The following CSNK1G3 variants were observed in gnomAD, a reference collection of about 807,000 sequenced individuals.
CSNK1G3 encodes the protein casein kinase 1 gamma 3.
CSNK1G3 carries 23 observed loss-of-function variants against 64.3 expected under a neutral mutation model. That is an observed-to-expected ratio of 0.36 (90% CI 0.26 to 0.51). CSNK1G3 has a LOEUF of 0.51. Among genes scored for constraint, CSNK1G3 ranks in the 20% least tolerant of loss-of-function variants. The pLI is 0.96. For missense variants in CSNK1G3, 357 were observed against 510.5 expected, an observed-to-expected ratio of 0.70 and a Z score of 2.90; for synonymous variants, 158 against 162.2, an observed-to-expected ratio of 0.97 and a Z score of 0.20.
intron 1 of CSNK1G3, among the ~76,000 whole-genome samples, chr5:123,531,595 ATTAT>A (rs1278541081): frequency 5.3e-5 from 8 of 152,052 alleles, no homozygotes; most frequent in East Asian, 1.9e-4. Flanking sequence ...AAGCAAATAA[ATTAT>A]TTATATTCAT....
At chr5:123,605,460 C>A in intron 12 of CSNK1G3, 98 bp downstream of exon 13, 1 of 1,247,562 alleles carries the variant, frequency 8.0e-7, no homozygotes, top group Non-Finnish European at 1.1e-6. Flanking sequence ...ACTCTCAACA[C>A]AGTGATTATA....
intron 1 of CSNK1G3, among the ~76,000 whole-genome samples, chr5:123,517,022 T>C (rs1777289787): frequency 6.6e-6 from 1 of 152,188 alleles, no homozygotes; most frequent in African/African-American, 2.4e-5. Context: ...TGCCAAGGAC[T>C]ATGTGATGCC....
At chr5:123,598,579 C>T (rs1477359315) in intron 10 of CSNK1G3, among the ~76,000 whole-genome samples, 1 of 151,954 alleles carries the variant, frequency 6.6e-6, no homozygotes, top group Non-Finnish European at 1.5e-5. Flanking sequence ...AGGAGTATAC[C>T]AGGCAGAGAA....
At chr5:123,560,424 T>C (rs1785453663) in intron 4 of CSNK1G3, among the ~76,000 whole-genome samples, 1 of 152,214 alleles carries the variant, frequency 6.6e-6, no homozygotes, top group Non-Finnish European at 1.5e-5. Flanking sequence ...TACATTCATG[T>C]TCATAGAAGT....
intron 1 of CSNK1G3, among the ~76,000 whole-genome samples, chr5:123,537,185 C>G (rs1001215294): frequency 1.3e-5 from 2 of 152,082 alleles, no homozygotes; most frequent in African/African-American, 4.8e-5. Context: ...TAGAATCAAC[C>G]TAAGTGCCCA....
chr5:123,578,084 C>T (rs969651454), intron 6 of CSNK1G3, among the ~76,000 whole-genome samples: 4 of 151,900 alleles, frequency 2.6e-5, no homozygotes, highest in Admixed American at 6.6e-5. Context: ...AAACATATCA[C>T]AAACTGCTTA....
intron 1 of CSNK1G3, among the ~76,000 whole-genome samples, chr5:123,537,904 T>C (rs1444724435): frequency 6.6e-6 from 1 of 152,210 alleles, no homozygotes; most frequent in Non-Finnish European, 1.5e-5. Flanking sequence ...TTGCTGGTTC[T>C]AGAGCCAAAT....
intron 6 of CSNK1G3, among the ~76,000 whole-genome samples, chr5:123,579,034 A>G (rs937979511): frequency 1.3e-5 from 2 of 151,972 alleles, no homozygotes; most frequent in African/African-American, 4.8e-5. Flanking sequence ...CTGCTGCTCA[A>G]AAGTACCTTC....
At chr5:123,561,093 A>G (rs1785608152) in intron 4 of CSNK1G3, among the ~76,000 whole-genome samples, 1 of 152,134 alleles carries the variant, frequency 6.6e-6, no homozygotes, top group Admixed American at 6.6e-5. Flanking sequence ...CCTCCTGTAA[A>G]TCCATGTTTC....
chr5:123,522,379 T>A (rs1778267697), intron 1 of CSNK1G3, among the ~76,000 whole-genome samples: 1 of 152,084 alleles, frequency 6.6e-6, no homozygotes, highest in Non-Finnish European at 1.5e-5. Flanking sequence ...GGCACACGCC[T>A]GTCGTCCCAG....
At chr5:123,569,836 A>G (rs1787718833) in intron 4 of CSNK1G3, among the ~76,000 whole-genome samples, 1 of 152,186 alleles carries the variant, frequency 6.6e-6, no homozygotes, top group Admixed American at 6.5e-5. Flanking sequence ...GAAAGCATTC[A>G]ATCTTTCACC....
chr5:123,540,247 CTT>C (rs1183035584), intron 1 of CSNK1G3, among the ~76,000 whole-genome samples: 1 of 150,110 alleles, frequency 6.7e-6, no homozygotes, highest in Non-Finnish European at 1.5e-5. Context: ...TTGAGGGTCT[CTT>C]TTTTTTTCTG....
chr5:123,538,650 C>T lies in CSNK1G3; in HGVS notation c.-247-6767C>T, dbSNP rs865959112. 2.6e-5 allele frequency among the ~76,000 whole-genome samples: 4 copies of T among 152,216 alleles called. No individual in the cohort carries two copies. The South Asian group carries it at 6.2e-4, about 24-fold the overall frequency. On this transcript the variant is annotated intron_variant, in intron 1 of 12. Coordinates refer to ENST00000345990, the Ensembl canonical transcript of CSNK1G3. ...AATGTAGATTACGGTTTGATGGGTG[C>T]AGCATACCACCATGGCGCATGTATA...
At chr5:123,600,454 A>G (rs529364478) in intron 10 of CSNK1G3, among the ~76,000 whole-genome samples, 3 of 151,906 alleles carry the variant, frequency 2.0e-5, no homozygotes, top group African/African-American at 7.2e-5. Flanking sequence ...GTGAAACCCC[A>G]TCTCTACTAA....
intron 1 of CSNK1G3, among the ~76,000 whole-genome samples, chr5:123,536,058 T>C (rs1780742923): frequency 6.6e-6 from 1 of 152,176 alleles, no homozygotes; most frequent in African/African-American, 2.4e-5. Flanking sequence ...ATGCTTTTAT[T>C]GTGGAACAGT....
intron 12 of CSNK1G3, among the ~76,000 whole-genome samples, chr5:123,613,835 G>T (rs1052909114): frequency 6.6e-6 from 1 of 152,156 alleles, no homozygotes; most frequent in African/African-American, 2.4e-5. Flanking sequence ...AACCCTTAAA[G>T]AATTCAAAAT....
At chr5:123,575,237 A>C (rs967526677) in intron 5 of CSNK1G3, among the ~76,000 whole-genome samples, 1 of 152,248 alleles carries the variant, frequency 6.6e-6, no homozygotes, top group Non-Finnish European at 1.5e-5. Flanking sequence ...AAAGTAAAGG[A>C]AACATGTTAT....
At chr5:123,519,323 G>A (rs1386528178) in intron 1 of CSNK1G3, among the ~76,000 whole-genome samples, 1 of 152,212 alleles carries the variant, frequency 6.6e-6, no homozygotes, top group Non-Finnish European at 1.5e-5. Flanking sequence ...CAAAGTGCTG[G>A]ATTACAGGCA....
At chr5:123,569,061 A>G (rs1278732616) in intron 4 of CSNK1G3, among the ~76,000 whole-genome samples, 1 of 152,242 alleles carries the variant, frequency 6.6e-6, no homozygotes, top group African/African-American at 2.4e-5. Context: ...TTGTTTAATT[A>G]GCTTAGAGTT....
Sources: allele counts gnomAD v4.1 joint callset (sites outside exome capture counted in the v4.1 genomes callset), GRCh38; gene constraint gnomAD v4.1.1; transcripts MANE v1.5; gene names NCBI Gene and HGNC (gene_info 2026-07-23, HGNC 2026-07-21).